SLC25A12: variants seen among roughly 807,000 people sequenced by gnomAD.
The protein encoded by SLC25A12 is solute carrier family 25 member 12.
Under a neutral mutation model 83.3 loss-of-function variants are expected in SLC25A12, and 32 were observed. The observed-to-expected ratio is 0.38, with a 90% CI of 0.29 to 0.52. The LOEUF (loss-of-function observed/expected upper bound fraction) is 0.52, where lower values mean the gene tolerates loss of function less well. SLC25A12 is among the 20% of genes least tolerant of loss of function. The pLI, the probability that SLC25A12 is intolerant of heterozygous loss-of-function variation, is 0.84. For synonymous variants in SLC25A12, 267 were observed against 291.1 expected (o/e 0.92, Z 0.84); for missense variants, 611 against 835.6 (o/e 0.73, Z 3.31).
At chr2:171,887,317 G>A (rs1685841974) in intron 2 of SLC25A12, among the ~76,000 whole-genome samples, 1 of 152,070 alleles carries the variant, frequency 6.6e-6, no homozygotes, top group South Asian at 2.1e-4. Context: ...GATCTTCATT[G>A]TTACATTGGT....
chr2:171,819,535 G>A (rs1684141210), intron 9 of SLC25A12, among the ~76,000 whole-genome samples: 1 of 144,380 alleles, frequency 6.9e-6, no homozygotes, highest in African/African-American at 2.5e-5. Context: ...AGCAAAAAGG[G>A]AGTTAAGTTG....
intron 4 of SLC25A12, among the ~76,000 whole-genome samples, chr2:171,855,197 T>C (rs1369818764): frequency 6.6e-6 from 1 of 152,218 alleles, no homozygotes; most frequent in Non-Finnish European, 1.5e-5. Context: ...TAAAAAAGTA[T>C]CTTTAATATA....
At chr2:171,788,095 G>A (rs1690523579) in intron 15 of SLC25A12, 148 bp from the exon 16 acceptor site, 5 of 729,738 alleles carry the variant, frequency 6.9e-6, no homozygotes, top group Non-Finnish European at 1.2e-5. Context: ...AATGGGAAAA[G>A]GGCATAGAAG....
chr2:171,876,513 T>C (rs1194539669), intron 2 of SLC25A12, among the ~76,000 whole-genome samples: 1 of 141,034 alleles, frequency 7.1e-6, no homozygotes, highest in East Asian at 2.2e-4. Flanking sequence ...TGGTGATATA[T>C]TTAAATCAGG....
At chr2:171,786,370 CAA>C (rs1690489747) in intron 17 of SLC25A12, among the ~76,000 whole-genome samples, 1 of 113,056 alleles carries the variant, frequency 8.8e-6, no homozygotes, top group Non-Finnish European at 1.7e-5. Flanking sequence ...GGCGACAGAG[CAA>C]GACTCCGTCT....
At chr2:171,891,372 C>A (rs1044456776) in intron 2 of SLC25A12, among the ~76,000 whole-genome samples, 4 of 151,968 alleles carry the variant, frequency 2.6e-5, no homozygotes, top group Admixed American at 2.6e-4. Context: ...CCCACCTCTA[C>A]CCCCACTCAA....
intron 3 of SLC25A12, among the ~76,000 whole-genome samples, chr2:171,856,982 G>A (rs567528955): frequency 2.0e-5 from 3 of 152,288 alleles, no homozygotes; most frequent in Non-Finnish European, 2.9e-5. Context: ...AGGTATAAAC[G>A]AAATAATTAT....
intron 4 of SLC25A12, among the ~76,000 whole-genome samples, chr2:171,849,852 G>A (rs966530701): frequency 5.9e-5 from 9 of 152,092 alleles, no homozygotes; most frequent in Non-Finnish European, 1.0e-4. Context: ...CACCGTGCCC[G>A]GCCCAGTGGC....
chr2:171,883,552 C>G (rs755326618), intron 2 of SLC25A12, among the ~76,000 whole-genome samples: 32 of 152,294 alleles, frequency 2.1e-4, no homozygotes, highest in Non-Finnish European at 3.4e-4. Flanking sequence ...GCCTGTAATC[C>G]CAGTACTTTG....
At chr2:171,807,422 A>G (rs1285058665) in intron 13 of SLC25A12, among the ~76,000 whole-genome samples, 1 of 152,242 alleles carries the variant, frequency 6.6e-6, no homozygotes, top group Non-Finnish European at 1.5e-5. Context: ...CAAAGGAACT[A>G]AACATCTTAT....
intron 9 of SLC25A12, among the ~76,000 whole-genome samples, chr2:171,821,351 T>C (rs987899631): frequency 6.6e-6 from 1 of 152,156 alleles, no homozygotes; most frequent in African/African-American, 2.4e-5. Context: ...AACACACATG[T>C]GTAAACATTT....
intron 13 of SLC25A12, among the ~76,000 whole-genome samples, chr2:171,804,626 T>C (rs1683784372): frequency 6.6e-6 from 1 of 152,212 alleles, no homozygotes; most frequent in Non-Finnish European, 1.5e-5. Context: ...AATAGTTGCC[T>C]AGAGGCCAAG....
chr2:171,793,568 G>T lies in SLC25A12; in HGVS notation c.1446+59C>A. 3.2e-6 allele frequency: 5 copies of T among 1,545,074 alleles called. No homozygotes were observed. In the South Asian group the frequency reaches 5.6e-5, roughly 17 times the overall value. ...TTGCTTTTCAACTTGGAGGGAAGAA[G>T]TCTGGTTTCCACATTCTTTCATATT... On this transcript the variant is annotated intron_variant, in intron 14 of 17. Transcript: ENST00000422440.
At chr2:171,887,082 G>A (rs1375959865) in intron 2 of SLC25A12, among the ~76,000 whole-genome samples, 1 of 152,064 alleles carries the variant, frequency 6.6e-6, no homozygotes, top group Non-Finnish European at 1.5e-5. Context: ...TAAAAGCCCT[G>A]CTTTATTCCC....
chr2:171,797,022 C>G (rs1683611235), intron 13 of SLC25A12, among the ~76,000 whole-genome samples: 1 of 152,154 alleles, frequency 6.6e-6, no homozygotes, highest in Non-Finnish European at 1.5e-5. Flanking sequence ...GGTGTTTCCT[C>G]TCTGCGAAAC....
At chr2:171,810,400 G>T in intron 11 of SLC25A12, 124 bp from the exon 12 acceptor site, 1 of 806,248 alleles carries the variant, frequency 1.2e-6, no homozygotes, top group East Asian at 2.5e-5. Context: ...CATTAAAATG[G>T]GAAAAAGATT....
intron 9 of SLC25A12, among the ~76,000 whole-genome samples, chr2:171,819,091 A>AAT (rs1181549304): frequency 2.1e-5 from 3 of 143,456 alleles, no homozygotes; most frequent in Non-Finnish European, 3.0e-5. Flanking sequence ...ATGAAGGAAA[A>AAT]ATATATATAT....
chr2:171,852,044 A>T (rs906533516), intron 4 of SLC25A12, among the ~76,000 whole-genome samples: 2 of 152,224 alleles, frequency 1.3e-5, no homozygotes, highest in Non-Finnish European at 2.9e-5. Flanking sequence ...TGACAGTAAC[A>T]GATATACAAA....
rs144393352 is a variant in SLC25A12, at chr2:171,786,687, G to C, written c.1835+884C>G. On this transcript the variant is annotated intron_variant, in intron 17 of 17. Transcript: ENST00000422440. ...CTTCCCCACCCAGAAAATTCAACTTGTAATTCTTCTTCTCAGTGCAAGCTT... is the reference window on the plus strand; with the variant it reads ...CTTCCCCACCCAGAAAATTCAACTTCTAATTCTTCTTCTCAGTGCAAGCTT... Among the ~76,000 whole-genome samples the C allele has an allele frequency of 1.4e-3, 213 of 152,272 alleles. 1 individual carries two copies. The highest frequency in any genetic ancestry group is 4.9e-3 in the African/African-American group (204 of 41,556).
Sources: gnomAD v4.1 joint callset for allele counts (sites outside exome capture counted in the v4.1 genomes callset) on GRCh38, gnomAD v4.1.1 for gene constraint, MANE v1.5 for transcripts, NCBI Gene and HGNC (gene_info 2026-07-23, HGNC 2026-07-21) for gene names.